Variants in GALNTL6 observed in about 807,000 individuals in gnomAD.
The protein encoded by GALNTL6 is polypeptide N-acetylgalactosaminyltransferase like 6, also known as polypeptide N-acetylgalactosaminyltransferase-like 6.
A neutral mutation model predicts 73.7 loss-of-function variants in GALNTL6; 46 were observed. That is an observed-to-expected ratio of 0.62 (90% CI 0.49 to 0.80). The LOEUF is 0.80. GALNTL6 is among the 30% of genes least tolerant of loss of function. The pLI is 0.00. For missense variants in GALNTL6, 604 were observed against 755.0 expected (o/e 0.80, Z 2.34); for synonymous variants, 259 against 263.7 (o/e 0.98, Z 0.17).
chr4:172,021,435 A>T (rs950725327), intron 2 of GALNTL6, among the ~76,000 whole-genome samples: 1 of 152,092 alleles, frequency 6.6e-6, no homozygotes, highest in East Asian at 1.9e-4. Context: ...TGACGAAAGA[A>T]ATTGAAGAGG....
At chr4:172,986,950 C>A (rs555002189) in intron 10 of GALNTL6, among the ~76,000 whole-genome samples, 1 of 152,074 alleles carries the variant, frequency 6.6e-6, no homozygotes, top group African/African-American at 2.4e-5. Flanking sequence ...GACTTGCAGG[C>A]CAGAAAGAAT....
chr4:172,337,139 T>G (rs1036364210), intron 4 of GALNTL6, among the ~76,000 whole-genome samples: 4 of 152,194 alleles, frequency 2.6e-5, no homozygotes, highest in African/African-American at 9.7e-5. Flanking sequence ...CTCCAACCTT[T>G]CACTTTAAGC....
intron 2 of GALNTL6, among the ~76,000 whole-genome samples, chr4:172,030,993 T>C (rs538260387): frequency 1.3e-5 from 2 of 152,050 alleles, no homozygotes; most frequent in South Asian, 2.1e-4. Flanking sequence ...CAGTCTGAAA[T>C]GTATGCCCTC....
chr4:172,735,271 T>C (rs1025067637), intron 5 of GALNTL6, among the ~76,000 whole-genome samples: 1 of 152,154 alleles, frequency 6.6e-6, no homozygotes, highest in Non-Finnish European at 1.5e-5. Flanking sequence ...AAAACCCACC[T>C]CTTGCAGCAG....
intron 4 of GALNTL6, among the ~76,000 whole-genome samples, chr4:172,312,662 T>A (rs1740403608): frequency 6.6e-6 from 1 of 152,172 alleles, no homozygotes; most frequent in African/African-American, 2.4e-5. Context: ...GAAATCTAAA[T>A]TAAACCAGTA....
chr4:172,305,021 C>G (rs1740077068), intron 3 of GALNTL6, among the ~76,000 whole-genome samples: 1 of 152,046 alleles, frequency 6.6e-6, no homozygotes, highest in Non-Finnish European at 1.5e-5. Flanking sequence ...ATCACAATTG[C>G]TGGTTTATAA....
chr4:172,604,053 A>G (rs1738168030), intron 5 of GALNTL6, among the ~76,000 whole-genome samples: 3 of 152,118 alleles, frequency 2.0e-5, no homozygotes, highest in African/African-American at 7.2e-5. Context: ...TAGAAGCAAA[A>G]CTCTTGCCCT....
At chr4:172,492,091 A>G (rs1365169692) in intron 5 of GALNTL6, among the ~76,000 whole-genome samples, 2 of 152,194 alleles carry the variant, frequency 1.3e-5, no homozygotes, top group Non-Finnish European at 2.9e-5. Flanking sequence ...TAAAGTCAGC[A>G]TCACAGCTAT....
At chr4:172,153,970 T>C (rs1253142369) in intron 2 of GALNTL6, among the ~76,000 whole-genome samples, 3 of 152,176 alleles carry the variant, frequency 2.0e-5, no homozygotes, top group East Asian at 1.9e-4. Context: ...TTGAAGAAGA[T>C]TGAACCTAAT....
At chr4:172,687,862 G>A (rs1733027462) in intron 5 of GALNTL6, among the ~76,000 whole-genome samples, 1 of 152,010 alleles carries the variant, frequency 6.6e-6, no homozygotes, top group African/African-American at 2.4e-5. Flanking sequence ...TTCAGTTGCT[G>A]GCTTTTTCTT....
At chr4:172,464,728 A>G (rs1023028853) in intron 5 of GALNTL6, among the ~76,000 whole-genome samples, 6 of 151,826 alleles carry the variant, frequency 4.0e-5, no homozygotes, top group Non-Finnish European at 8.8e-5. Context: ...AATAATAATA[A>G]TAATAATTTC....
chr4:172,699,208 A>C, intron 5 of GALNTL6, among the ~76,000 whole-genome samples: 1 of 152,084 alleles, frequency 6.6e-6, no homozygotes, highest in East Asian at 1.9e-4. Flanking sequence ...CCCACTTCCT[A>C]ATACCATCAC....
chr4:172,443,066 A>G (rs1731889654), intron 5 of GALNTL6, among the ~76,000 whole-genome samples: 1 of 143,728 alleles, frequency 7.0e-6, no homozygotes, highest in African/African-American at 2.5e-5. Flanking sequence ...CAACATGGAA[A>G]CTTGTAAACA....
chr4:172,000,541 C>A (rs900523647), intron 2 of GALNTL6, among the ~76,000 whole-genome samples: 1 of 152,054 alleles, frequency 6.6e-6, no homozygotes, highest in African/African-American at 2.4e-5. Context: ...CAAAGCTTGC[C>A]GAAGCAGGGA....
At chr4:171,918,378 G>A (rs115925104) in intron 2 of GALNTL6, among the ~76,000 whole-genome samples, 1 of 152,038 alleles carries the variant, frequency 6.6e-6, no homozygotes, top group Non-Finnish European at 1.5e-5. Flanking sequence ...AATATGATGT[G>A]TCATGTTCTG....
At chr4:172,128,111 G>T in intron 2 of GALNTL6, among the ~76,000 whole-genome samples, 1 of 149,038 alleles carries the variant, frequency 6.7e-6, no homozygotes, top group Non-Finnish European at 1.5e-5. Flanking sequence ...CTCAAAAAAA[G>T]AAAAAAAAAG....
At chr4:171,824,528 T>G (rs1734774138) in intron 2 of GALNTL6, among the ~76,000 whole-genome samples, 1 of 152,098 alleles carries the variant, frequency 6.6e-6, no homozygotes, top group South Asian at 2.1e-4. Context: ...TTGAACATGA[T>G]AAGCAATTTA....
At chr4:172,052,069 T>C (rs893231186) in intron 2 of GALNTL6, among the ~76,000 whole-genome samples, 4 of 152,160 alleles carry the variant, frequency 2.6e-5, no homozygotes, top group African/African-American at 9.6e-5. Context: ...ACTTTTATTT[T>C]ACTAATAGGT....
intron 2 of GALNTL6, among the ~76,000 whole-genome samples, chr4:172,221,027 A>G (rs1462676201): frequency 6.6e-6 from 1 of 151,854 alleles, no homozygotes; most frequent in African/African-American, 2.4e-5. Context: ...AATTTTATAT[A>G]CTCAGTTGTG....
Sources: allele counts gnomAD v4.1 joint callset (sites outside exome capture counted in the v4.1 genomes callset), GRCh38; gene constraint gnomAD v4.1.1; transcripts MANE v1.5; gene names NCBI Gene and HGNC (gene_info 2026-07-23, HGNC 2026-07-21).